Variants in NBEA observed in about 807,000 individuals in gnomAD.
NBEA encodes the protein lysosomal-trafficking regulator 2.
In NBEA, 44 loss-of-function variants were observed where a neutral mutation model predicts 343.4. The ratio of observed to expected loss-of-function variants is 0.13; its 90% CI spans 0.10 to 0.16. The LOEUF (loss-of-function observed/expected upper bound fraction) is 0.16. Ranked by LOEUF, NBEA falls within the 10% of genes least tolerant of loss-of-function variation. The probability of loss-of-function intolerance (pLI) is 1.00; values close to 1 mark genes in which losing one functional copy is unlikely to be tolerated. For missense variants in NBEA, 2,555 were observed against 3,631.3 expected, an observed-to-expected ratio of 0.70 and a Z score of 7.62; for synonymous variants, 1,175 against 1,238.7, an observed-to-expected ratio of 0.95 and a Z score of 1.08.
chr13:35,084,374 GAAACT>G, intron 10 of NBEA, among the ~76,000 whole-genome samples: 1 of 121,404 alleles, frequency 8.2e-6, no homozygotes, highest in Admixed American at 7.5e-5. Context: ...ATAACAAACT[GAAACT>G]GTCTCTCAGA....
At chr13:35,256,787 C>G (rs936957164) in intron 34 of NBEA, among the ~76,000 whole-genome samples, 1 of 152,206 alleles carries the variant, frequency 6.6e-6, no homozygotes, top group Non-Finnish European at 1.5e-5. Flanking sequence ...TTTGCTCTGC[C>G]CAGGAGTGGG....
chr13:35,315,370 A>G (rs2037646638), intron 36 of NBEA, among the ~76,000 whole-genome samples: 1 of 152,182 alleles, frequency 6.6e-6, no homozygotes, highest in South Asian at 2.1e-4. Context: ...TATACACTGG[A>G]TCATTTAAAG....
At chr13:35,063,629 A>C (rs1475808571) in intron 8 of NBEA, among the ~76,000 whole-genome samples, 6 of 152,016 alleles carry the variant, frequency 3.9e-5, no homozygotes, top group African/African-American at 1.4e-4. Flanking sequence ...TGAGAGGAAC[A>C]GCCATTGAAA....
chr13:35,054,778 G>A (rs1449647979), intron 6 of NBEA, among the ~76,000 whole-genome samples: 1 of 151,352 alleles, frequency 6.6e-6, no homozygotes, highest in African/African-American at 2.4e-5. Flanking sequence ...CTGGTAGCTG[G>A]GATTACAGGC....
chr13:35,303,058 C>T (rs2036656486), intron 35 of NBEA, among the ~76,000 whole-genome samples: 1 of 151,998 alleles, frequency 6.6e-6, no homozygotes, highest in Non-Finnish European at 1.5e-5. Context: ...GACAGGTGAG[C>T]AGGACAGATA....
intron 1 of NBEA, among the ~76,000 whole-genome samples, chr13:34,945,784 A>G (rs988681607): frequency 6.6e-6 from 1 of 152,044 alleles, no homozygotes; most frequent in African/African-American, 2.4e-5. Context: ...TTCCTATGTA[A>G]GGATACTCAT....
chr13:35,396,219 A>G (rs1244112573), intron 38 of NBEA, among the ~76,000 whole-genome samples: 1 of 151,882 alleles, frequency 6.6e-6, no homozygotes, highest in Non-Finnish European at 1.5e-5. Context: ...ATCTGTTTTG[A>G]TCTCTGCCTT....
At chr13:35,527,601 A>G (rs2078044262) in intron 41 of NBEA, among the ~76,000 whole-genome samples, 1 of 152,178 alleles carries the variant, frequency 6.6e-6, no homozygotes, top group Non-Finnish European at 1.5e-5. Context: ...GTACACACAC[A>G]CACCCGGCTG....
At chr13:35,393,863 GAGAAGTTATTCTCTAATT>G (rs1278479247) in intron 38 of NBEA, among the ~76,000 whole-genome samples, 44 of 152,146 alleles carry the variant, frequency 2.9e-4, no homozygotes, top group Middle Eastern at 3.4e-3. Context: ...TACCTTATTA[GAGAAGTTATTCTCTAATT>G]AGAAGTTATT....
At chr13:35,152,818 T>A (rs2068879777) in intron 18 of NBEA, among the ~76,000 whole-genome samples, 1 of 152,202 alleles carries the variant, frequency 6.6e-6, no homozygotes, top group Non-Finnish European at 1.5e-5. Flanking sequence ...AAGTGTTAAA[T>A]ACACATTGGT....
chr13:35,050,610 C>G (rs79301542), intron 6 of NBEA, among the ~76,000 whole-genome samples: 1 of 151,902 alleles, frequency 6.6e-6, no homozygotes, highest in African/African-American at 2.4e-5. Context: ...CTCTTACACT[C>G]TCTCATTATC....
At chr13:35,205,621 A>G (rs1447616798) in intron 31 of NBEA, among the ~76,000 whole-genome samples, 3 of 152,082 alleles carry the variant, frequency 2.0e-5, no homozygotes, top group Non-Finnish European at 4.4e-5. Context: ...GCCTAAAACT[A>G]CACGTATGAG....
intron 38 of NBEA, among the ~76,000 whole-genome samples, chr13:35,402,899 T>C (rs1457742238): frequency 6.6e-6 from 1 of 152,088 alleles, no homozygotes; most frequent in Non-Finnish European, 1.5e-5. Flanking sequence ...AAAAGTGTTA[T>C]TGGCAAATAA....
In NBEA at chr13:35,045,062, G is replaced by A; in HGVS notation, c.627+15G>A. ...GTGGAATCTGGGTAAGCTGTGGTCG[G>A]AGGGAAAGGTATTCAGTATCAGTCC... is the stretch of plus-strand genomic sequence containing the variant. On this transcript the variant is annotated intron_variant, in intron 3 of 58. Coordinates refer to ENST00000379939, the MANE Select transcript of NBEA (RefSeq NM_001385012.1). The A allele has an allele frequency of 1.3e-6, 2 of 1,589,778 alleles. No homozygotes were observed. The highest frequency in any genetic ancestry group is 8.6e-7 in the Non-Finnish European group (1 of 1,164,260).
chr13:35,353,532 A>G (rs1411431056), intron 38 of NBEA, among the ~76,000 whole-genome samples: 1 of 149,894 alleles, frequency 6.7e-6, no homozygotes, highest in African/African-American at 2.5e-5. Context: ...AGGTTTTTTA[A>G]AACTTTATTA....
At chr13:35,131,818 C>T (rs1277153331) in intron 17 of NBEA, among the ~76,000 whole-genome samples, 1 of 152,072 alleles carries the variant, frequency 6.6e-6, no homozygotes, top group Non-Finnish European at 1.5e-5. Context: ...ACTAATAAAT[C>T]AAACAGAGTG....
chr13:35,252,286 G>T (rs979597812), intron 34 of NBEA, among the ~76,000 whole-genome samples: 2 of 152,142 alleles, frequency 1.3e-5, no homozygotes, highest in Non-Finnish European at 2.9e-5. Flanking sequence ...AGAAGTCACT[G>T]TCCCGTGAAC....
chr13:34,966,716 C>T (rs1422754487), intron 1 of NBEA, among the ~76,000 whole-genome samples: 1 of 149,120 alleles, frequency 6.7e-6, no homozygotes, highest in Non-Finnish European at 1.5e-5. Context: ...GTTATTTTTC[C>T]TTTTATTTCC....
chr13:35,020,101 G>A (rs1193737352), intron 1 of NBEA, among the ~76,000 whole-genome samples: 1 of 151,906 alleles, frequency 6.6e-6, no homozygotes, highest in Admixed American at 6.6e-5. Context: ...TGGAACCTAA[G>A]GTCATTGAAT....
Sources: gnomAD v4.1 joint callset for allele counts (sites outside exome capture counted in the v4.1 genomes callset) on GRCh38, gnomAD v4.1.1 for gene constraint, MANE v1.5 for transcripts, NCBI Gene and HGNC (gene_info 2026-07-23, HGNC 2026-07-21) for gene names.